The following TMC8 variants were observed in gnomAD, a reference collection of about 807,000 sequenced individuals.
The protein encoded by TMC8 is transmembrane channel like 8.
Under a neutral mutation model 76.0 loss-of-function variants are expected in TMC8, and 71 were observed. That is an observed-to-expected ratio of 0.93 (90% CI 0.77 to 1.14). TMC8 has a LOEUF of 1.14. TMC8 is among the 50% of genes most tolerant of loss of function. TMC8 has a pLI of 0.00. For missense variants in TMC8, 924 were observed against 947.9 expected (o/e 0.97, Z 0.33); for synonymous variants, 433 against 433.8 (o/e 1.00, Z 0.02).
At chr17:78,137,005 G>A (rs762046929) in intron 9 of TMC8, 13 of 533,338 alleles carry the variant, frequency 2.4e-5, no homozygotes, top group Non-Finnish European at 3.6e-5. Context: ...AGTGAGACTC[G>A]GTCTTGAAAC....
At chr17:78,134,104 C>T (rs1598908933) in intron 7 of TMC8, 104 bp downstream of exon 7, 2 of 1,532,346 alleles carry the variant, frequency 1.3e-6, no homozygotes, top group Non-Finnish European at 1.8e-6. Context: ...TGCGACCGTG[C>T]CAGTGTGTGT....
chr17:78,141,171 C>A lies in TMC8; in HGVS notation c.*59C>A. On this transcript the variant is annotated 3_prime_UTR_variant, in exon 16 of 16. Coordinates refer to ENST00000318430, the MANE Select transcript of TMC8 (RefSeq NM_152468.5). ...GCCCCTTCAGGCCTCCTTACTCCAT[C>A]TTCCAGACCCCTGGCGACCACCGCC... The A allele has an allele frequency of 1.4e-6, 2 of 1,408,764 alleles. No individual in the cohort carries two copies. Among genetic ancestry groups the A allele is most frequent in the South Asian group, 1.5e-5 (1 of 68,708 alleles). 87.3% of individuals were successfully genotyped at this position (1,408,764 alleles called of 1,614,324 possible). A position where few individuals can be genotyped will look rare whatever the true frequency, so the allele number is the denominator to read the frequency against.
rs1211752978 is a variant in TMC8 at position 78,133,188 on chromosome 17, G to A, written c.532-218G>A. On this transcript the variant is annotated intron_variant, in intron 5 of 15. Coordinates refer to ENST00000318430, the MANE Select transcript of TMC8 (RefSeq NM_152468.5). Reference sequence around the variant, plus strand: ...CCCACCCTCATCCTGGGAAGCCATCGAGTGGTCACCAATGGGGTTCCTGGG... The same window carrying A: ...CCCACCCTCATCCTGGGAAGCCATCAAGTGGTCACCAATGGGGTTCCTGGG... Among the ~76,000 whole-genome samples, 7 of 152,200 alleles carry A rather than the reference G, an allele frequency of 4.6e-5. No individual in the cohort carries two copies. In the East Asian group the frequency reaches 5.8e-4, roughly 13 times the overall value.
At chr17:78,137,140 T>C in intron 9 of TMC8, 95 bp from the exon 10 acceptor site, 1 of 1,566,582 alleles carries the variant, frequency 6.4e-7, no homozygotes, top group South Asian at 1.1e-5. Context: ...GGACACAACA[T>C]GATCCCACTC....
intron 14 of TMC8, 141 bp from the exon 15 acceptor site, chr17:78,139,021 T>A: frequency 1.3e-6 from 2 of 1,559,178 alleles, no homozygotes; most frequent in African/African-American, 2.7e-5. Flanking sequence ...GAGAGGAGGG[T>A]CCCATCCTCA....
intron 14 of TMC8, 77 bp downstream of exon 14, chr17:78,138,809 G>T (rs1377937973): frequency 3.8e-6 from 6 of 1,588,614 alleles, no homozygotes; most frequent in Non-Finnish European, 5.1e-6. Flanking sequence ...TGGTGAGCCT[G>T]TGCACCCCCA....
In TMC8 at chr17:78,132,046, C is replaced by T; in HGVS notation, c.298+16C>T. On this transcript the variant is annotated intron_variant, in intron 3 of 15. Coordinates refer to ENST00000318430, the MANE Select transcript of TMC8 (RefSeq NM_152468.5). ...GAGATCGGGGGTAGGACCCGCGCGACCCGCACCTCCCCTTGCCCTCTCTGG... is the reference window on the plus strand; with the variant it reads ...GAGATCGGGGGTAGGACCCGCGCGATCCGCACCTCCCCTTGCCCTCTCTGG... 6.5e-7 allele frequency: 1 copy of T among 1,534,658 alleles called. No individual in the cohort carries two copies. Among genetic ancestry groups the T allele is most frequent in the Non-Finnish European group, 8.7e-7 (1 of 1,146,286 alleles).
rs951705973 is a variant in TMC8 at position 78,138,661 on chromosome 17, G to A, written c.1752G>A (p.Pro584=). The change falls in exon 14 of 16, where the codon CCG becomes CCA. Residue 584 remains proline (P), a synonymous_variant. Transcript: ENST00000318430. ...CGGAGCTGGTGGCCCTTGGGCTCCC[G>A]CCCATTGGCCAGCGTGCCCTCCACT... ...VVPELVALGL[P]PIGQRALHYL... is the part of the protein sequence containing the mutation. 17 of 1,613,552 alleles carry A rather than the reference G, an allele frequency of 1.1e-5. No homozygotes were observed. The highest frequency in any genetic ancestry group is 8.0e-5 in the African/African-American group (6 of 74,946).
Position 78,131,479 on chromosome 17 carries a change from G to A in TMC8, c.-110G>A. The A allele has an allele frequency of 6.8e-7, 1 of 1,460,986 alleles. No homozygotes were observed. The allele number at this position is 1,460,986 out of a possible 1,614,324, so 90.5% of individuals were successfully genotyped here. A position where few individuals can be genotyped will look rare whatever the true frequency, so the allele number is the denominator to read the frequency against. On this transcript the variant is annotated 5_prime_UTR_variant, in exon 2 of 16. Transcript: ENST00000318430. ...GAGGGGACGGAAGGGCCCGCCCCCA[G>A]CCCAGCGTGCACAGAGGCCATAGCC...
rs1342735309 is a variant in TMC8 at position 78,138,627 on chromosome 17, A to G, written c.1718A>G (p.Gln573Arg). 1.2e-6 allele frequency: 2 copies of G among 1,613,918 alleles called. No individual in the cohort carries two copies. The highest frequency in any genetic ancestry group is 1.7e-6 in the Non-Finnish European group (2 of 1,180,018). Reference protein sequence around the residue: ...GLFTNYSAPWQVVPELVALGL... With the variant: ...GLFTNYSAPWRVVPELVALGL... Reference sequence around the variant, plus strand: ...TTCACCAACTACTCAGCACCCTGGCAAGTGGTCCCGGAGCTGGTGGCCCTT... The same window carrying G: ...TTCACCAACTACTCAGCACCCTGGCGAGTGGTCCCGGAGCTGGTGGCCCTT... The change falls in exon 14 of 16, where the codon CAA becomes CGA. Residue 573 changes from glutamine (Q) to arginine (R), a missense_variant. By Grantham distance (43) the Gln-to-Arg change is conservative. Coordinates refer to ENST00000318430, the MANE Select transcript of TMC8 (RefSeq NM_152468.5).
chr17:78,138,987 G>T (rs1365599141), intron 14 of TMC8, 175 bp from the exon 15 acceptor site: 2 of 1,547,772 alleles, frequency 1.3e-6, no homozygotes, highest in Non-Finnish European at 1.7e-6. Flanking sequence ...CAGAGGGGAG[G>T]GGATGAGGGG....
chr17:78,132,477 C>G lies in TMC8; in HGVS notation c.417C>G (p.Arg139=). 1 of 1,611,028 alleles carries G rather than the reference C, an allele frequency of 6.2e-7. No homozygotes were observed. Among genetic ancestry groups the G allele is most frequent in the Non-Finnish European group, 8.5e-7 (1 of 1,179,092 alleles). Residue 139 remains arginine, a synonymous_variant, in exon 4 of 16, where the codon CGC becomes CGG. Coordinates refer to ENST00000318430, the MANE Select transcript of TMC8 (RefSeq NM_152468.5). ...SFVLLPLVWL[R]PPDPGPTLNL... is the part of the protein sequence containing the mutation. ...TGCTGCTGCCCCTGGTCTGGCTCCG[C>G]CCCCCTGACCCAGGCCCCACCCTGA...
chr17:78,139,868 A>C (rs1361492239), intron 15 of TMC8, among the ~76,000 whole-genome samples: 1 of 151,964 alleles, frequency 6.6e-6, no homozygotes, highest in Non-Finnish European at 1.5e-5. Context: ...CCCCGTCTGT[A>C]CTAAAAATAC....
chr17:78,134,101 G>C lies in TMC8; in HGVS notation c.816+101G>C, dbSNP rs910798685. On this transcript the variant is annotated intron_variant, in intron 7 of 15. Coordinates refer to ENST00000318430, the MANE Select transcript of TMC8 (RefSeq NM_152468.5). ...CAGGTGTGTGCGAGCAAGTGCGACC[G>C]TGCCAGTGTGTGTGAGCGTGTGTGG... is the stretch of plus-strand genomic sequence containing the variant. The C allele has an allele frequency of 2.6e-6, 4 of 1,535,012 alleles. No homozygotes were observed. In the East Asian group the frequency reaches 6.7e-5, roughly 26 times the overall value.
chr17:78,138,700 C>A lies in TMC8; in HGVS notation c.1791C>A (p.His597Gln), dbSNP rs748151582. Residue 597 changes from histidine to glutamine, a missense_variant, in exon 14 of 16, where the codon CAC becomes CAA. By Grantham distance (24) the His-to-Gln change is conservative. Transcript: ENST00000318430. The part of the protein sequence containing the change: ...GQRALHYLGS[H>Q]AFSFPLLIML... Reference sequence around the variant, plus strand: ...GTGCCCTCCACTACCTGGGCTCCCACGCCTTCAGCTTCCCCCTCCTCATCA... The same window carrying A: ...GTGCCCTCCACTACCTGGGCTCCCAAGCCTTCAGCTTCCCCCTCCTCATCA... The A allele has an allele frequency of 6.2e-7, 1 of 1,611,860 alleles. No homozygotes were observed. The highest frequency in any genetic ancestry group is 8.5e-7 in the Non-Finnish European group (1 of 1,180,018).
Position 78,133,957 on chromosome 17 carries a change from AAGC to A in TMC8, c.777_779del (p.Ala260del). 1 of 1,613,716 alleles carries A rather than the reference AAGC, an allele frequency of 6.2e-7. No homozygotes were observed. The highest frequency in any genetic ancestry group is 8.5e-7 in the Non-Finnish European group (1 of 1,180,038). ...TGGGACTTCTGCATCCGGGTGCAGG[AAGC>A]AGCCACCATCAAGAAGCATGAGATC... is the stretch of plus-strand genomic sequence containing the variant. On this transcript the variant is annotated inframe_deletion, in exon 7 of 16. Coordinates refer to ENST00000318430, the MANE Select transcript of TMC8 (RefSeq NM_152468.5).
chr17:78,137,725 G>C lies in TMC8; in HGVS notation c.1260G>C (p.Glu420Asp). 1 of 1,613,500 alleles carries C rather than the reference G, an allele frequency of 6.2e-7. No individual in the cohort carries two copies. The highest frequency in any genetic ancestry group is 8.5e-7 in the Non-Finnish European group (1 of 1,179,984). ...GYNVCDYQCWENSVGEELYKL... is the reference protein window; with the variant it reads ...GYNVCDYQCWDNSVGEELYKL... ...CTTCCCCTGCACCCCAGTGCTGGGA[G>C]AACTCCGTGGGGGAGGAGCTGTACA... Residue 420 changes from glutamate to aspartate, a missense_variant, in exon 11 of 16, where the codon GAG becomes GAC. Glu to Asp is a conservative substitution (Grantham distance 45). Transcript: ENST00000318430.
At chr17:78,136,947 G>A (rs1369180198) in intron 9 of TMC8, 2 of 399,154 alleles carry the variant, frequency 5.0e-6, no homozygotes, top group Admixed American at 3.6e-5. Context: ...GGAGGCAGAG[G>A]TGGCAGTGAG....
intron 3 of TMC8, 158 bp from the exon 4 acceptor site, chr17:78,132,201 C>T: frequency 1.5e-6 from 2 of 1,371,642 alleles, no homozygotes; most frequent in South Asian, 1.3e-5. Flanking sequence ...CTCGGGCCCA[C>T]GCAGCACCCC....
Sources: allele counts gnomAD v4.1 joint callset (sites outside exome capture counted in the v4.1 genomes callset), GRCh38; gene constraint gnomAD v4.1.1; transcripts MANE v1.5; gene names NCBI Gene and HGNC (gene_info 2026-07-23, HGNC 2026-07-21).